The following SLC41A3 variants were observed in gnomAD, a reference collection of about 807,000 sequenced individuals.
The protein encoded by SLC41A3 is solute carrier family 41 member 3.
A neutral mutation model predicts 45.4 loss-of-function variants in SLC41A3; 44 were observed. The observed-to-expected ratio is 0.97, with a 90% CI of 0.76 to 1.25. The LOEUF (loss-of-function observed/expected upper bound fraction) is 1.25. Ranked by LOEUF, SLC41A3 falls within the 50% of genes most tolerant of loss-of-function variation. The pLI, the probability that SLC41A3 is intolerant of heterozygous loss-of-function variation, is 0.00. For synonymous variants in SLC41A3, 256 were observed against 252.4 expected (o/e 1.01, Z -0.13); for missense variants, 550 against 600.6 (o/e 0.92, Z 0.88).
chr3:126,010,289 A>G (rs968691089), intron 9 of SLC41A3, among the ~76,000 whole-genome samples: 1 of 152,220 alleles, frequency 6.6e-6, no homozygotes, highest in Admixed American at 6.5e-5. Context: ...CCTGGCCAAC[A>G]TGGTGAAACC....
intron 4 of SLC41A3, among the ~76,000 whole-genome samples, chr3:126,032,430 G>C (rs907597178): frequency 1.3e-5 from 2 of 152,206 alleles, no homozygotes. Context: ...TTCTGGTGTG[G>C]TTACTGGGAA....
In SLC41A3 at chr3:126,047,399, A is replaced by G. The variant is rs569757941; in HGVS notation, c.381+3544T>C. 3.8e-4 allele frequency among the ~76,000 whole-genome samples: 58 copies of G among 152,318 alleles called. No homozygotes were observed. The South Asian group carries it at 0.012, about 30-fold the overall frequency. On this transcript the variant is annotated intron_variant, in intron 3 of 10. Coordinates refer to ENST00000360370, the MANE Select transcript of SLC41A3 (RefSeq NM_017836.4). ...AAGAACTAAATGCTGTATTTTGATG[A>G]AACAGAAAAATACATTTATAGATTC...
chr3:126,091,794 G>A (rs1174108439), intron 1 of SLC41A3, among the ~76,000 whole-genome samples: 2 of 152,134 alleles, frequency 1.3e-5, no homozygotes, highest in African/African-American at 4.8e-5. Context: ...TACATTTGGG[G>A]GTAAAATACT....
Position 126,026,159 on chromosome 3 carries a change from G to GGA in SLC41A3, c.598+175_598+176insTC, listed in dbSNP as rs1941321974. The GGA allele has an allele frequency of 1.1e-6, 1 of 902,682 alleles. No individual in the cohort carries two copies. The highest frequency in any genetic ancestry group is 1.8e-5 in the South Asian group (1 of 56,776). The allele number at this position is 902,682 out of a possible 1,614,324, so 55.9% of individuals were successfully genotyped here. On this transcript the variant is annotated intron_variant, in intron 5 of 10. Coordinates refer to ENST00000360370, the MANE Select transcript of SLC41A3 (RefSeq NM_017836.4). This position sits in a 1 kb window ranked among gnomAD's most constrained non-coding sequence, Gnocchi z 4.2. ...CCCTGCCTGGGTGAGGGCACAAGGTGGGCCATGAAGACCCAGCTGGCTCGT... is the reference window on the plus strand; with the variant it reads ...CCCTGCCTGGGTGAGGGCACAAGGTGGAGGCCATGAAGACCCAGCTGGCTCGT...
At chr3:126,070,070 T>C (rs2108030281) in intron 1 of SLC41A3, 1 of 152,170 alleles carries the variant, frequency 6.6e-6, no homozygotes, top group Non-Finnish European at 1.5e-5. Flanking sequence ...AAAACTTTCC[T>C]GATTTCATAA....
chr3:126,057,288 T>C (rs1370514570), intron 2 of SLC41A3: 2 of 459,356 alleles, frequency 4.4e-6, no homozygotes, highest in Non-Finnish European at 5.7e-6. Flanking sequence ...GGAAGACTCA[T>C]AAACATGCTT....
At chr3:126,082,297 C>T (rs1374480595) in intron 1 of SLC41A3, among the ~76,000 whole-genome samples, 1 of 152,184 alleles carries the variant, frequency 6.6e-6, no homozygotes, top group Admixed American at 6.5e-5. Context: ...AGCCAAGATG[C>T]CAGAAGATGC....
intron 2 of SLC41A3, 129 bp downstream of exon 2, chr3:126,067,818 A>G: frequency 9.5e-7 from 1 of 1,051,160 alleles, no homozygotes; most frequent in Non-Finnish European, 1.3e-6. Context: ...CCCAATATAT[A>G]GAAAAAAAAA....
intron 8 of SLC41A3, 115 bp from the exon 9 acceptor site, chr3:126,012,864 T>C (rs778703444): frequency 6.8e-7 from 1 of 1,467,468 alleles, no homozygotes; most frequent in Non-Finnish European, 9.2e-7. Flanking sequence ...CAGTATTTCA[T>C]TATCTTTTCC....
intron 1 of SLC41A3, chr3:126,073,141 CA>C (rs1281677513): frequency 1.3e-5 from 2 of 152,088 alleles, no homozygotes; most frequent in Admixed American, 6.6e-5. Context: ...GAAAGAGGAT[CA>C]AAAAAACTAC....
At chr3:126,099,028 A>G (rs1469299136) in intron 1 of SLC41A3, among the ~76,000 whole-genome samples, 1 of 149,386 alleles carries the variant, frequency 6.7e-6, no homozygotes, top group Non-Finnish European at 1.5e-5. Context: ...CAGCCTCCCA[A>G]AGTGCTGGGA....
At chr3:126,074,756 C>T (rs13069989) in intron 1 of SLC41A3, among the ~76,000 whole-genome samples, 98,578 of 152,036 alleles carry the variant, frequency 0.65, 32,187 homozygotes, top group Middle Eastern at 0.71. Flanking sequence ...TCATAGCTCA[C>T]TGCACCCTCA....
At chr3:126,065,043 G>A (rs1225450804) in intron 2 of SLC41A3, among the ~76,000 whole-genome samples, 1 of 152,268 alleles carries the variant, frequency 6.6e-6, no homozygotes. Context: ...CTCGAGAAGT[G>A]AAGTGCAGCC....
chr3:126,058,942 G>C (rs1223917943), intron 2 of SLC41A3, among the ~76,000 whole-genome samples: 3 of 152,036 alleles, frequency 2.0e-5, no homozygotes, highest in South Asian at 2.1e-4. Flanking sequence ...CTCTCAGCCA[G>C]AGCCTAACAG....
intron 9 of SLC41A3, among the ~76,000 whole-genome samples, chr3:126,010,526 GA>G (rs1939596580): frequency 6.6e-6 from 1 of 152,214 alleles, no homozygotes; most frequent in Admixed American, 6.5e-5. Flanking sequence ...CAGGAAAGGG[GA>G]AGCCCGGCAA....
chr3:126,059,282 GAA>G (rs1342182367), intron 2 of SLC41A3, among the ~76,000 whole-genome samples: 6 of 138,108 alleles, frequency 4.3e-5, no homozygotes, highest in East Asian at 2.0e-4. Context: ...AAGAAAGAAA[GAA>G]AGAAAGAAAG....
chr3:126,056,430 G>A (rs1469704007), intron 2 of SLC41A3: 1 of 1,614,218 alleles, frequency 6.2e-7, no homozygotes, highest in Non-Finnish European at 8.5e-7. Context: ...CCACGACCTG[G>A]CACATGATGG....
chr3:126,038,684 T>C (rs143810093), intron 3 of SLC41A3, among the ~76,000 whole-genome samples: 81 of 152,200 alleles, frequency 5.3e-4, no homozygotes, highest in African/African-American at 1.8e-3. Context: ...AGATGAGACA[T>C]TGGACTTTTG....
At chr3:126,013,654 TG>T (rs1183434723) in intron 8 of SLC41A3, among the ~76,000 whole-genome samples, 3 of 151,988 alleles carry the variant, frequency 2.0e-5, no homozygotes, top group Non-Finnish European at 4.4e-5. Flanking sequence ...GAGACATGCC[TG>T]GGACACCTCT....
Sources: gnomAD v4.1 joint callset for allele counts (sites outside exome capture counted in the v4.1 genomes callset) on GRCh38, gnomAD v4.1.1 for gene constraint, Gnocchi (gnomAD v3.1) non-coding constraint, MANE v1.5 for transcripts, NCBI Gene and HGNC (gene_info 2026-07-23, HGNC 2026-07-21) for gene names.